PTPRD: variants seen among roughly 807,000 people sequenced by gnomAD.
PTPRD encodes the protein protein tyrosine phosphatase receptor type D.
PTPRD carries 34 observed loss-of-function variants against 214.5 expected under a neutral mutation model. The ratio of observed to expected loss-of-function variants is 0.16; its 90% CI spans 0.12 to 0.21. The LOEUF (loss-of-function observed/expected upper bound fraction) is 0.21. Ranked by LOEUF, PTPRD falls within the 10% of genes least tolerant of loss-of-function variation. The pLI, the probability that PTPRD is intolerant of heterozygous loss-of-function variation, is 1.00. For synonymous variants in PTPRD, 1,128 were observed against 845.7 expected, an observed-to-expected ratio of 1.33 and a Z score of -5.79; for missense variants, 2,545 against 2,398.7, an observed-to-expected ratio of 1.06 and a Z score of -1.27.
intron 14 of PTPRD, among the ~76,000 whole-genome samples, chr9:8,601,323 A>G (rs1311542669): frequency 6.6e-6 from 1 of 152,080 alleles, no homozygotes; most frequent in Non-Finnish European, 1.5e-5. Context: ...AGAACTCACC[A>G]CCCTTAAAAG....
intron 8 of PTPRD, among the ~76,000 whole-genome samples, chr9:9,400,123 G>A (rs1470287865): frequency 6.9e-6 from 1 of 144,510 alleles, no homozygotes; most frequent in Non-Finnish European, 1.5e-5. Flanking sequence ...ACTGGCACAG[G>A]TAGATGAGTA....
At chr9:9,358,076 G>T (rs552507385) in intron 9 of PTPRD, among the ~76,000 whole-genome samples, 28 of 151,284 alleles carry the variant, frequency 1.9e-4, no homozygotes, top group East Asian at 7.8e-4. Context: ...TTACAAGCAA[G>T]AAATTAAATC....
intron 4 of PTPRD, among the ~76,000 whole-genome samples, chr9:9,992,112 G>A (rs923413609): frequency 3.9e-5 from 6 of 152,142 alleles, no homozygotes; most frequent in African/African-American, 1.4e-4. Flanking sequence ...GAATGGACGA[G>A]ACTGCTAATG....
chr9:8,373,864 G>A lies in PTPRD; in HGVS notation c.4661+2072C>T, dbSNP rs867157514. ...TGTATGTATGTGTATGTGTCTGTCT[G>A]TCTATCTATCTATCTATCTATCTAT... On this transcript the variant is annotated intron_variant, in intron 39 of 45. Transcript: ENST00000381196. 1.9e-3 allele frequency among the ~76,000 whole-genome samples: 202 copies of A among 107,906 alleles called. 2 individuals are homozygous for A. Among genetic ancestry groups the A allele is most frequent in the East Asian group, 9.4e-3 (35 of 3,730 alleles). The allele number at this position is 107,906 out of a possible 152,430, so 70.8% of individuals were successfully genotyped here.
chr9:9,494,841 A>G (rs111807505), intron 8 of PTPRD, among the ~76,000 whole-genome samples: 160 of 152,278 alleles, frequency 1.1e-3, no homozygotes, highest in African/African-American at 3.3e-3. Flanking sequence ...ATTTCAAGGG[A>G]CCCTGGATTA....
intron 5 of PTPRD, among the ~76,000 whole-genome samples, chr9:9,910,799 G>A (rs1301220168): frequency 6.6e-6 from 1 of 151,982 alleles, no homozygotes; most frequent in Non-Finnish European, 1.5e-5. Context: ...CTAGTGTGAA[G>A]TCATGAGACT....
chr9:10,073,488 G>C (rs886708635), intron 3 of PTPRD, among the ~76,000 whole-genome samples: 1 of 152,076 alleles, frequency 6.6e-6, no homozygotes, highest in East Asian at 1.9e-4. Context: ...GTAGAATAAA[G>C]AAATAACATT....
intron 7 of PTPRD, among the ~76,000 whole-genome samples, chr9:9,660,338 G>T (rs1259897231): frequency 3.9e-5 from 6 of 151,934 alleles, no homozygotes; most frequent in Non-Finnish European, 8.8e-5. Flanking sequence ...GAGGTAAGGG[G>T]GCAAGCAAGA....
At chr9:8,516,040 G>A (rs1180138191) in intron 21 of PTPRD, among the ~76,000 whole-genome samples, 4 of 152,186 alleles carry the variant, frequency 2.6e-5, no homozygotes, top group Non-Finnish European at 2.9e-5. Context: ...AATAATCACA[G>A]CTGAGAAATT....
At chr9:9,765,883 C>T (rs980013585) in intron 6 of PTPRD, among the ~76,000 whole-genome samples, 6 of 152,052 alleles carry the variant, frequency 3.9e-5, no homozygotes, top group African/African-American at 7.2e-5. Context: ...AGGATGGTCT[C>T]GATCTCCTGA....
At chr9:10,376,613 A>C (rs2097733464) in intron 2 of PTPRD, among the ~76,000 whole-genome samples, 1 of 151,828 alleles carries the variant, frequency 6.6e-6, no homozygotes, top group African/African-American at 2.4e-5. Context: ...TAGACAGGGT[A>C]TCATGATCTA....
At chr9:9,723,718 T>C (rs1416105573) in intron 7 of PTPRD, among the ~76,000 whole-genome samples, 1 of 152,128 alleles carries the variant, frequency 6.6e-6, no homozygotes, top group African/African-American at 2.4e-5. Context: ...TTTCTGAATA[T>C]CAGTTTTACA....
intron 11 of PTPRD, among the ~76,000 whole-genome samples, chr9:8,781,663 TAATGA>T (rs150326620): frequency 0.95 from 144,428 of 151,930 alleles, 68,749 homozygotes; most frequent in East Asian, 1. Context: ...GGCAGTGCTT[TAATGA>T]AATGAAATGA....
intron 11 of PTPRD, among the ~76,000 whole-genome samples, chr9:8,782,470 ATATCCTCAAT>A (rs1487412431): frequency 6.6e-6 from 1 of 152,128 alleles, no homozygotes; most frequent in East Asian, 1.9e-4. Context: ...CTGTAATTTT[ATATCCTCAAT>A]TTCTTTTCAT....
At chr9:9,575,793 A>G (rs1447914100) in intron 7 of PTPRD, among the ~76,000 whole-genome samples, 1 of 151,182 alleles carries the variant, frequency 6.6e-6, no homozygotes, top group African/African-American at 2.4e-5. Flanking sequence ...AAGAAAAAAA[A>G]AAATAGTTAC....
At chr9:8,839,304 A>T (rs1026980667) in intron 11 of PTPRD, among the ~76,000 whole-genome samples, 8 of 19,970 alleles carry the variant, frequency 4.0e-4, no homozygotes, top group Non-Finnish European at 2.9e-4. Flanking sequence ...AGGGGATTTT[A>T]TTTATTTATT....
At chr9:8,491,403 T>C (rs2097146231) in intron 27 of PTPRD, among the ~76,000 whole-genome samples, 1 of 152,216 alleles carries the variant, frequency 6.6e-6, no homozygotes, top group South Asian at 2.1e-4. Context: ...CACTACTTTC[T>C]TGTCATCATA....
At chr9:10,521,852 A>G (rs1291580956) in intron 2 of PTPRD, among the ~76,000 whole-genome samples, 1 of 152,178 alleles carries the variant, frequency 6.6e-6, no homozygotes, top group African/African-American at 2.4e-5. Context: ...AATAGGCTAC[A>G]GTATAGTTTA....
chr9:9,025,796 A>C (rs2154372901), intron 10 of PTPRD, among the ~76,000 whole-genome samples: 1 of 152,096 alleles, frequency 6.6e-6, no homozygotes, highest in Middle Eastern at 3.4e-3. Flanking sequence ...TAAAAAAAGA[A>C]AATAATACTT....
Sources: allele counts gnomAD v4.1 joint callset (sites outside exome capture counted in the v4.1 genomes callset), GRCh38; gene constraint gnomAD v4.1.1; transcripts MANE v1.5; gene names NCBI Gene and HGNC (gene_info 2026-07-23, HGNC 2026-07-21).